Variants in GATM observed in about 807,000 individuals in gnomAD.
GATM encodes the protein glycine amidinotransferase.
A neutral mutation model predicts 54.2 loss-of-function variants in GATM; 23 were observed. The observed-to-expected ratio is 0.42, with a 90% confidence interval of 0.31 to 0.60. The LOEUF is 0.60. Among genes scored for constraint, GATM ranks in the 20% least tolerant of loss-of-function variants. The pLI, the probability that GATM is intolerant of heterozygous loss-of-function variation, is 0.14. For synonymous variants in GATM, 168 were observed against 183.1 expected (o/e 0.92, Z 0.67); for missense variants, 401 against 544.9 (o/e 0.74, Z 2.63).
At chr15:45,387,638 A>G (rs939913748) in intron 3 of GATM, among the ~76,000 whole-genome samples, 48 of 152,248 alleles carry the variant, frequency 3.2e-4, no homozygotes, top group Non-Finnish European at 5.1e-4. Flanking sequence ...TACTTAGCAC[A>G]GTGATTATCA....
chr15:45,378,503 G>C lies in GATM; in HGVS notation c.-50C>G. 7.5e-7 allele frequency: 1 copy of C among 1,337,360 alleles called. No individual in the cohort carries two copies. The highest frequency in any genetic ancestry group is 9.6e-7 in the Non-Finnish European group (1 of 1,042,212). The allele number at this position is 1,337,360 out of a possible 1,614,324, so 82.8% of individuals were successfully genotyped here. A position where few individuals can be genotyped will look rare whatever the true frequency, so the allele number is the denominator to read the frequency against. ...GCGGAATGTTCCTGGCCTCTGGGCC[G>C]CGTCGGTCCAAGCCTTCCCGAGAGC... is the stretch of plus-strand genomic sequence containing the variant. On this transcript the variant is annotated 5_prime_UTR_variant, in exon 1 of 9. Transcript: ENST00000396659.
chr15:45,397,422 A>G (rs1316563883), intron 2 of GATM: 9 of 152,176 alleles, frequency 5.9e-5, no homozygotes, highest in Admixed American at 5.9e-4. Flanking sequence ...ATAATTGATC[A>G]TGCCTACGTG....
chr15:45,372,106 T>C (rs921586387), intron 2 of GATM, among the ~76,000 whole-genome samples: 1 of 152,218 alleles, frequency 6.6e-6, no homozygotes, highest in African/African-American at 2.4e-5. Flanking sequence ...AAAAGGTCCA[T>C]AGGCAAATTT....
intron 1 of GATM, among the ~76,000 whole-genome samples, chr15:45,401,279 A>G (rs969304426): frequency 6.6e-6 from 1 of 152,158 alleles, no homozygotes; most frequent in African/African-American, 2.4e-5. Context: ...CTTCCCATTG[A>G]TAAGATATTA....
In GATM at chr15:45,368,136, G is replaced by A; in HGVS notation, c.609C>T (p.Tyr203=). The A allele has an allele frequency of 6.2e-7, 1 of 1,614,118 alleles. No homozygotes were observed. Among genetic ancestry groups the A allele is most frequent in the Non-Finnish European group, 8.5e-7 (1 of 1,180,022 alleles). Residue 203 remains tyrosine, a synonymous_variant, in exon 4 of 9, where the codon TAC becomes TAT. Transcript: ENST00000396659. The surrounding 1 kb of genome is among the most constrained non-coding windows in gnomAD (Gnocchi z 5.1). ...YRAYRSIIKD[Y]FHRGAKWTTA... The stretch of plus-strand genomic sequence containing the variant: ...TTGTCCACTTGGCGCCACGGTGGAA[G>A]TAGTCTTTGATAATTGACCTGTACG...
chr15:45,366,628 T>C (rs1889453215), intron 4 of GATM, 120 bp from the exon 5 acceptor site: 1 of 1,114,854 alleles, frequency 9.0e-7, no homozygotes, highest in Non-Finnish European at 1.3e-6. Context: ...TACTCAGTTC[T>C]AGACTAAAAC....
chr15:45,400,925 G>A (rs908365187), intron 1 of GATM, among the ~76,000 whole-genome samples: 6 of 152,022 alleles, frequency 3.9e-5, no homozygotes, highest in African/African-American at 1.5e-4. Flanking sequence ...TAACTTGATA[G>A]GCATGTAATT....
intron 2 of GATM, 133 bp downstream of exon 2, chr15:45,376,468 G>C (rs968777241): frequency 1.3e-6 from 1 of 788,948 alleles, no homozygotes; most frequent in Non-Finnish European, 2.3e-6. Flanking sequence ...AAATACCACA[G>C]AGGTGTCAAG....
chr15:45,390,013 A>C (rs1218403090), intron 3 of GATM, among the ~76,000 whole-genome samples: 1 of 151,620 alleles, frequency 6.6e-6, no homozygotes, highest in East Asian at 1.9e-4. Context: ...GCACACACCC[A>C]TCTAATTTTT....
intron 3 of GATM, among the ~76,000 whole-genome samples, chr15:45,385,184 C>T (rs1454037800): frequency 6.6e-6 from 1 of 152,200 alleles, no homozygotes; most frequent in Non-Finnish European, 1.5e-5. Flanking sequence ...CATAAACAAT[C>T]CCTGGTGTTG....
In GATM at chr15:45,362,195, G is replaced by T. The variant is rs1183535332; in HGVS notation, c.1186C>A (p.Arg396Ser). The change falls in exon 9 of 9, where the codon CGT becomes AGT. Residue 396 changes from arginine to serine, a missense_variant. By Grantham distance (110) the Arg-to-Ser change is moderately radical (BLOSUM62 -1). This residue lies in a region of GATM where 321 missense variants were observed against 457.5 expected (regional missense o/e 0.70). Transcript: ENST00000396659. ...CCTCCTCCCAGGGAATTGGCATTAC[G>T]AATGTTAACTTTAATGGTAGTGATA... ...LGITTIKVNI[R>S]NANSLGGGFH... 3 of 1,612,734 alleles carry T rather than the reference G, an allele frequency of 1.9e-6. No homozygotes were observed. Among genetic ancestry groups the T allele is most frequent in the African/African-American group, 2.7e-5 (2 of 74,882 alleles).
At chr15:45,381,889 A>T (rs1433630831), upstream of GATM, among the ~76,000 whole-genome samples, 3 of 152,228 alleles carry the variant, frequency 2.0e-5, no homozygotes, top group African/African-American at 7.2e-5. Context: ...CATCAATAAA[A>T]TATATTTGGA....
At chr15:45,393,948 T>G (rs1438612452) in intron 3 of GATM, among the ~76,000 whole-genome samples, 2 of 152,196 alleles carry the variant, frequency 1.3e-5, no homozygotes, top group East Asian at 3.8e-4. Context: ...TTAAATGAAT[T>G]GCTCAAGACC....
chr15:45,391,336 C>G (rs890205150), intron 3 of GATM, among the ~76,000 whole-genome samples: 1 of 152,032 alleles, frequency 6.6e-6, no homozygotes, highest in Non-Finnish European at 1.5e-5. Context: ...TACTTGAACC[C>G]GGGAGGCGGA....
chr15:45,395,687 G>C (rs1391074519), intron 3 of GATM, among the ~76,000 whole-genome samples: 1 of 152,038 alleles, frequency 6.6e-6, no homozygotes, highest in Non-Finnish European at 1.5e-5. Flanking sequence ...CATCTTCCTG[G>C]AGGGAAGTTA....
chr15:45,378,853 A>C (rs566177352), upstream of GATM: 2 of 181,678 alleles, frequency 1.1e-5, no homozygotes, highest in Non-Finnish European at 2.3e-5. Flanking sequence ...GTCTATGCAT[A>C]TATTAAGTGA....
chr15:45,390,451 A>G (rs180922309), intron 3 of GATM, among the ~76,000 whole-genome samples: 15 of 152,324 alleles, frequency 9.8e-5, no homozygotes, highest in African/African-American at 3.1e-4. Context: ...TCCTTAAATG[A>G]CCTTTGATGC....
At chr15:45,381,611 G>A (rs1595487697), upstream of GATM, among the ~76,000 whole-genome samples, 1 of 152,192 alleles carries the variant, frequency 6.6e-6, no homozygotes, top group African/African-American at 2.4e-5. Context: ...ACAGAGGAAG[G>A]TGTTCCTAGA....
chr15:45,391,625 A>G (rs1343108656), intron 3 of GATM, among the ~76,000 whole-genome samples: 1 of 152,264 alleles, frequency 6.6e-6, no homozygotes, highest in African/African-American at 2.4e-5. Context: ...TTTAGTTAAC[A>G]CTGTGCAGAA....
Sources: allele counts gnomAD v4.1 joint callset (sites outside exome capture counted in the v4.1 genomes callset), GRCh38; gene constraint gnomAD v4.1.1; regional missense constraint gnomAD v4.1.1; non-coding constraint Gnocchi (gnomAD v3.1); transcripts MANE v1.5; gene names NCBI Gene and HGNC (gene_info 2026-07-23, HGNC 2026-07-21).